The following CCDC85A variants were observed in gnomAD, a reference collection of about 807,000 sequenced individuals.
CCDC85A encodes the protein coiled-coil domain containing 85A.
In CCDC85A, 38 loss-of-function variants were observed where a neutral mutation model predicts 50.2. The observed-to-expected ratio is 0.76, with a 90% CI of 0.58 to 0.99. CCDC85A has a LOEUF of 0.99. Among genes scored for constraint, CCDC85A ranks in the 50% least tolerant of loss-of-function variants. The pLI, the probability that CCDC85A is intolerant of heterozygous loss-of-function variation, is 0.00. For synonymous variants in CCDC85A, 366 were observed against 301.4 expected, an observed-to-expected ratio of 1.21 and a Z score of -2.22; for missense variants, 820 against 742.0, an observed-to-expected ratio of 1.11 and a Z score of -1.22.
chr2:56,210,445 A>G (rs941478601), intron 2 of CCDC85A, among the ~76,000 whole-genome samples: 7 of 152,068 alleles, frequency 4.6e-5, no homozygotes, highest in Admixed American at 4.6e-4. Context: ...AACCACCTCA[A>G]CACTTAGTGT....
At chr2:56,273,590 A>G (rs1359857488) in intron 2 of CCDC85A, among the ~76,000 whole-genome samples, 2 of 152,042 alleles carry the variant, frequency 1.3e-5, no homozygotes, top group Admixed American at 6.6e-5. Context: ...ATATTTTAAA[A>G]TGTGTCTTTC....
At chr2:56,288,096 C>T (rs987071962) in intron 2 of CCDC85A, among the ~76,000 whole-genome samples, 37 of 152,070 alleles carry the variant, frequency 2.4e-4, no homozygotes, top group African/African-American at 8.7e-4. Context: ...ACAGTTTACT[C>T]CCCACAGCTG....
chr2:56,348,464 C>G (rs952307434), intron 3 of CCDC85A, among the ~76,000 whole-genome samples: 3 of 152,192 alleles, frequency 2.0e-5, no homozygotes, highest in African/African-American at 7.2e-5. Flanking sequence ...CTAGCACACA[C>G]AGAAGAGTCT....
intron 2 of CCDC85A, among the ~76,000 whole-genome samples, chr2:56,247,732 G>A (rs919159829): frequency 1.3e-5 from 2 of 152,072 alleles, no homozygotes; most frequent in African/African-American, 2.4e-5. Flanking sequence ...GGGATATGAG[G>A]GACACAGAAG....
At chr2:56,219,551 C>CAAAA (rs1487316550) in intron 2 of CCDC85A, among the ~76,000 whole-genome samples, 4 of 151,716 alleles carry the variant, frequency 2.6e-5, no homozygotes, top group Non-Finnish European at 4.4e-5. Context: ...TCCAACTATT[C>CAAAA]AATATATTAT....
chr2:56,325,565 T>C (rs183006853), intron 2 of CCDC85A, among the ~76,000 whole-genome samples: 1 of 152,248 alleles, frequency 6.6e-6, no homozygotes, highest in Admixed American at 6.5e-5. Flanking sequence ...TGACTTTAAA[T>C]TGAACAGAGT....
At chr2:56,235,965 G>T (rs1161494647) in intron 2 of CCDC85A, among the ~76,000 whole-genome samples, 1 of 152,026 alleles carries the variant, frequency 6.6e-6, no homozygotes, top group East Asian at 1.9e-4. Context: ...CCTGCTGGAG[G>T]GAAAGCCACC....
chr2:56,192,871 A>G lies in CCDC85A; in HGVS notation c.671A>G (p.His224Arg). The G allele has an allele frequency of 6.2e-7, 1 of 1,613,054 alleles. No individual in the cohort carries two copies. Residue 224 changes from histidine (H) to arginine (R), a missense_variant, in exon 2 of 6, where the codon CAC becomes CGC. By Grantham distance (29) the His-to-Arg change is conservative. Transcript: ENST00000407595. The surrounding 1 kb of genome is among the most constrained non-coding windows in gnomAD (Gnocchi z 4.7). ...ACTGGCAGCACTGACAGCCCGGACC[A>G]CCACAAGCACCACGCGAGCAGTGGC... Reference protein sequence around the residue: ...SSTGSTDSPDHHKHHASSGSP... With the variant: ...SSTGSTDSPDRHKHHASSGSP...
intron 2 of CCDC85A, among the ~76,000 whole-genome samples, chr2:56,332,744 A>C (rs188245263): frequency 3.6e-5 from 5 of 139,192 alleles, no homozygotes; most frequent in Non-Finnish European, 6.0e-5. Context: ...TGAACACTTA[A>C]GACTTTTTAT....
chr2:56,356,001 C>A (rs1006621671), intron 3 of CCDC85A, among the ~76,000 whole-genome samples: 3 of 152,138 alleles, frequency 2.0e-5, no homozygotes, highest in African/African-American at 4.8e-5. Context: ...TTGTGACAAC[C>A]AAGGCAGGTG....
At chr2:56,209,163 G>A (rs551391839) in intron 2 of CCDC85A, among the ~76,000 whole-genome samples, 2 of 152,200 alleles carry the variant, frequency 1.3e-5, no homozygotes, top group South Asian at 4.1e-4. Flanking sequence ...ATGATAATTT[G>A]TATCATAGCT....
chr2:56,311,531 A>G lies in CCDC85A; in HGVS notation c.1241-31348A>G, dbSNP rs185999787. 3.7e-4 allele frequency among the ~76,000 whole-genome samples: 56 copies of G among 151,652 alleles called. No individual in the cohort carries two copies. In the South Asian group the frequency reaches 5.6e-3, roughly 15 times the overall value. ...TGTGCACAATGTGCAGGTTTGTTAC[A>G]TATGTATACATGTGCCATGTTGGTG... On this transcript the variant is annotated intron_variant, in intron 2 of 5. Coordinates refer to ENST00000407595, the MANE Select transcript of CCDC85A (RefSeq NM_001080433.2).
In CCDC85A at chr2:56,205,275, A is replaced by T. The variant is rs992934057; in HGVS notation, c.1240+11835A>T. ...ACCAGGCTCTTCGTATGTTTTAGTT[A>T]TGTCCCATTTAAATGGGTTTTGATG... is the stretch of plus-strand genomic sequence containing the variant. On this transcript the variant is annotated intron_variant, in intron 2 of 5. Transcript: ENST00000407595. Among the ~76,000 whole-genome samples, 6 of 152,124 alleles carry T rather than the reference A, an allele frequency of 3.9e-5. No individual in the cohort carries two copies. In the East Asian group the frequency reaches 1.2e-3, roughly 29 times the overall value.
intron 2 of CCDC85A, among the ~76,000 whole-genome samples, chr2:56,252,440 G>A (rs564499505): frequency 6.6e-6 from 1 of 152,262 alleles, no homozygotes; most frequent in Non-Finnish European, 1.5e-5. Context: ...AGGCTCTCAT[G>A]GGGGTGTGTC....
At chr2:56,335,054 T>C (rs1674003041) in intron 2 of CCDC85A, among the ~76,000 whole-genome samples, 2 of 152,210 alleles carry the variant, frequency 1.3e-5, no homozygotes, top group African/African-American at 4.8e-5. Context: ...AATAAGGCAG[T>C]ATGAATTAAA....
intron 2 of CCDC85A, among the ~76,000 whole-genome samples, chr2:56,330,244 G>A (rs1158285949): frequency 2.6e-5 from 4 of 151,986 alleles, no homozygotes; most frequent in South Asian, 2.1e-4. Flanking sequence ...AATATTTTCC[G>A]TATAGTCCCC....
chr2:56,266,983 G>T (rs1217956762), intron 2 of CCDC85A, among the ~76,000 whole-genome samples: 2 of 151,990 alleles, frequency 1.3e-5, no homozygotes, highest in Non-Finnish European at 2.9e-5. Flanking sequence ...GATATTTGTG[G>T]TTTTTCTATT....
At chr2:56,297,782 T>A (rs575366563) in intron 2 of CCDC85A, among the ~76,000 whole-genome samples, 35 of 152,202 alleles carry the variant, frequency 2.3e-4, no homozygotes, top group South Asian at 1.9e-3. Context: ...GGTGTGGAAC[T>A]GGGTATAGGA....
chr2:56,352,399 G>A (rs1025767220), intron 3 of CCDC85A, among the ~76,000 whole-genome samples: 4 of 152,188 alleles, frequency 2.6e-5, no homozygotes, highest in African/African-American at 9.7e-5. Context: ...AGGCTGGAGT[G>A]TAGTGGTGTG....
Sources: allele counts gnomAD v4.1 joint callset (sites outside exome capture counted in the v4.1 genomes callset), GRCh38; gene constraint gnomAD v4.1.1; non-coding constraint Gnocchi (gnomAD v3.1); transcripts MANE v1.5; gene names NCBI Gene and HGNC (gene_info 2026-07-23, HGNC 2026-07-21).